Variants in MPZL3 observed in about 807,000 individuals in gnomAD.
The protein encoded by MPZL3 is myelin protein zero-like protein 3.
A neutral mutation model predicts 24.8 loss-of-function variants in MPZL3; 23 were observed. The ratio of observed to expected loss-of-function variants is 0.93; its 90% confidence interval spans 0.67 to 1.31. The LOEUF is 1.31. Ranked by LOEUF, MPZL3 falls within the 40% of genes most tolerant of loss-of-function variation. The pLI is 0.00. For synonymous variants in MPZL3, 99 were observed against 106.5 expected, an observed-to-expected ratio of 0.93 and a Z score of 0.44; for missense variants, 277 against 294.9, an observed-to-expected ratio of 0.94 and a Z score of 0.44.
rs1200324919 is a variant in MPZL3 at position 118,252,295 on chromosome 11, C to G, written c.-1G>C. 7 of 1,613,780 alleles carry G rather than the reference C, an allele frequency of 4.3e-6. No individual in the cohort carries two copies. Among genetic ancestry groups the G allele is most frequent in the Admixed American group, 3.3e-5 (2 of 60,010 alleles). ...TTCCAGCTGCTCCTCTCTGCTGCAT[C>G]CCGGCAGCTCTTCAGATGCTTGCAC... On this transcript the variant is annotated 5_prime_UTR_variant, in exon 1 of 6. Coordinates refer to ENST00000278949, the MANE Select transcript of MPZL3 (RefSeq NM_198275.3).
chr11:118,243,653 T>C (rs1949524869), intron 1 of MPZL3, among the ~76,000 whole-genome samples: 1 of 151,828 alleles, frequency 6.6e-6, no homozygotes, highest in Non-Finnish European at 1.5e-5. Context: ...ATGCCTGTAG[T>C]CCCAGCTACT....
rs138367123 is a variant in MPZL3 at position 118,236,521 on chromosome 11, C to T, written c.451+529G>A. On this transcript the variant is annotated intron_variant, in intron 3 of 5. Coordinates refer to ENST00000278949, the MANE Select transcript of MPZL3 (RefSeq NM_198275.3). The stretch of plus-strand genomic sequence containing the variant: ...TTAAGGACTAGCATGACCACTTAAT[C>T]GTCATCAGGGAATAACATAGAAAAA... Among the ~76,000 whole-genome samples, 365 of 152,212 alleles carry T rather than the reference C, an allele frequency of 2.4e-3. 2 individuals carry two copies. Among genetic ancestry groups the T allele is most frequent in the African/African-American group, 8.5e-3 (353 of 41,548 alleles).
chr11:118,248,408 C>T (rs558552700), intron 1 of MPZL3, among the ~76,000 whole-genome samples: 1 of 152,074 alleles, frequency 6.6e-6, no homozygotes, highest in East Asian at 1.9e-4. Flanking sequence ...GTTACTAAAC[C>T]AAATTCTGTT....
chr11:118,238,630 A>G (rs373038842), intron 2 of MPZL3, among the ~76,000 whole-genome samples: 3 of 152,350 alleles, frequency 2.0e-5, no homozygotes, highest in South Asian at 4.1e-4. Flanking sequence ...TTGAAAAGCA[A>G]CTTCCCAGAA....
At chr11:118,233,558 A>G (rs763923173) in intron 4 of MPZL3, 35 bp from the exon 5 acceptor site, 2 of 1,604,988 alleles carry the variant, frequency 1.2e-6, no homozygotes, top group Non-Finnish European at 1.7e-6. Flanking sequence ...CTGAATCACC[A>G]CTATCCTCAA....
chr11:118,250,603 G>A (rs931317008), intron 1 of MPZL3, among the ~76,000 whole-genome samples: 2 of 151,874 alleles, frequency 1.3e-5, no homozygotes, highest in Non-Finnish European at 2.9e-5. Flanking sequence ...TTTTTGAGAC[G>A]GAGTTTCTCT....
chr11:118,241,618 G>A (rs1043629558), intron 1 of MPZL3, among the ~76,000 whole-genome samples: 2 of 152,192 alleles, frequency 1.3e-5, no homozygotes, highest in African/African-American at 2.4e-5. Context: ...TGCTCAGTGC[G>A]TGTTAGACAG....
intron 1 of MPZL3, among the ~76,000 whole-genome samples, chr11:118,249,068 A>C (rs967356452): frequency 6.6e-6 from 1 of 152,038 alleles, no homozygotes; most frequent in Non-Finnish European, 1.5e-5. Flanking sequence ...TTTGAGACAG[A>C]GTCTCACTCT....
At chr11:118,235,970 T>C (rs1949421271) in intron 3 of MPZL3, among the ~76,000 whole-genome samples, 1 of 152,242 alleles carries the variant, frequency 6.6e-6, no homozygotes, top group South Asian at 2.1e-4. Flanking sequence ...CATAGCATTC[T>C]ATCACATTGA....
At chr11:118,235,336 C>T in intron 4 of MPZL3, 88 bp downstream of exon 4, 1 of 1,452,002 alleles carries the variant, frequency 6.9e-7, no homozygotes, top group East Asian at 2.3e-5. Flanking sequence ...AAACTCGGTC[C>T]AGAAGAAAGG....
chr11:118,234,797 C>T (rs1949401814), intron 4 of MPZL3, among the ~76,000 whole-genome samples: 1 of 151,936 alleles, frequency 6.6e-6, no homozygotes, highest in South Asian at 2.1e-4. Context: ...TGTAAGACTC[C>T]CCTCCCCTGA....
intron 4 of MPZL3, among the ~76,000 whole-genome samples, chr11:118,234,078 C>T (rs1949388941): frequency 6.6e-6 from 1 of 152,114 alleles, no homozygotes; most frequent in East Asian, 1.9e-4. Context: ...AAAATAAATA[C>T]ATGTGAAACA....
At chr11:118,236,327 G>C (rs140518680) in intron 3 of MPZL3, among the ~76,000 whole-genome samples, 14 of 152,106 alleles carry the variant, frequency 9.2e-5, no homozygotes, top group Non-Finnish European at 1.8e-4. Context: ...ATGAGACAGG[G>C]AGAGAGGAAG....
chr11:118,244,561 G>A (rs548437881), intron 1 of MPZL3, among the ~76,000 whole-genome samples: 1 of 152,308 alleles, frequency 6.6e-6, no homozygotes, highest in African/African-American at 2.4e-5. Flanking sequence ...GCACCAGGAA[G>A]GAGCTCAGTC....
rs1414484882 is a variant in MPZL3, at chr11:118,229,694, G to A, written c.*200C>T. The A allele has an allele frequency of 6.4e-6, 3 of 466,870 alleles. No homozygotes were observed. The East Asian group carries it at 1.0e-4, about 16-fold the overall frequency. The allele number at this position is 466,870 out of a possible 1,614,324, so 28.9% of individuals were successfully genotyped here. A position where few individuals can be genotyped will look rare whatever the true frequency, so the allele number is the denominator to read the frequency against. On this transcript the variant is annotated 3_prime_UTR_variant, in exon 6 of 6. Transcript: ENST00000278949. Reference sequence around the variant, plus strand: ...AGGGGAAGTCATGAGTCTCTTATGAGAGTTCCTGAACAGTTTATAAATACA... The same window carrying A: ...AGGGGAAGTCATGAGTCTCTTATGAAAGTTCCTGAACAGTTTATAAATACA...
intron 1 of MPZL3, among the ~76,000 whole-genome samples, chr11:118,247,623 C>G (rs969371213): frequency 6.6e-6 from 1 of 152,032 alleles, no homozygotes; most frequent in Non-Finnish European, 1.5e-5. Flanking sequence ...TGCCCCCCAC[C>G]CCACACCCGC....
intron 1 of MPZL3, among the ~76,000 whole-genome samples, chr11:118,241,809 A>C (rs1016665122): frequency 1.1e-4 from 16 of 152,202 alleles, no homozygotes; most frequent in Non-Finnish European, 1.9e-4. Flanking sequence ...ACCAAAACTG[A>C]ACCCACTAAT....
At chr11:118,233,826 T>A (rs1489715154) in intron 4 of MPZL3, among the ~76,000 whole-genome samples, 1 of 152,096 alleles carries the variant, frequency 6.6e-6, no homozygotes, top group South Asian at 2.1e-4. Context: ...AAACCCCGTC[T>A]CTACTGAAAA....
At chr11:118,230,958 A>C (rs1949343163) in intron 5 of MPZL3, among the ~76,000 whole-genome samples, 1 of 152,154 alleles carries the variant, frequency 6.6e-6, no homozygotes, top group Non-Finnish European at 1.5e-5. Context: ...CTGCATACAA[A>C]TGTGTTCATT....
Sources: gnomAD v4.1 joint callset for allele counts (sites outside exome capture counted in the v4.1 genomes callset) on GRCh38, gnomAD v4.1.1 for gene constraint, MANE v1.5 for transcripts, NCBI Gene and HGNC (gene_info 2026-07-23, HGNC 2026-07-21) for gene names.